Variants in PDE10A observed in about 807,000 individuals in gnomAD.
PDE10A encodes the protein cAMP and cAMP-inhibited cGMP 3',5'-cyclic phosphodiesterase 10A.
In PDE10A, 39 loss-of-function variants were observed where a neutral mutation model predicts 97.7. That is an observed-to-expected ratio of 0.40 (90% CI 0.31 to 0.52). The LOEUF (loss-of-function observed/expected upper bound fraction) is 0.52. Ranked by LOEUF, PDE10A falls within the 20% of genes least tolerant of loss-of-function variation. The pLI is 0.56. For missense variants in PDE10A, 731 were observed against 1,047.8 expected (o/e 0.70, Z 4.17); for synonymous variants, 371 against 376.8 (o/e 0.98, Z 0.18).
intron 1 of PDE10A, among the ~76,000 whole-genome samples, chr6:165,822,009 G>A (rs1214485748): frequency 6.6e-6 from 1 of 152,154 alleles, no homozygotes; most frequent in African/African-American, 2.4e-5. Flanking sequence ...CCTCAGAAAG[G>A]GCAACTTGAA....
At chr6:165,545,879 T>C (rs1783714620) in intron 1 of PDE10A, among the ~76,000 whole-genome samples, 1 of 151,854 alleles carries the variant, frequency 6.6e-6, no homozygotes, top group Admixed American at 6.6e-5. Flanking sequence ...CTAAATAGAG[T>C]CTTTCTGTAT....
chr6:165,644,631 T>G (rs1197055755), intron 1 of PDE10A, among the ~76,000 whole-genome samples: 2 of 152,184 alleles, frequency 1.3e-5, no homozygotes, highest in Non-Finnish European at 2.9e-5. Context: ...ACTCACAACA[T>G]ATACGTATAT....
chr6:165,353,552 T>G (rs574155516), intron 18 of PDE10A, among the ~76,000 whole-genome samples: 1 of 152,232 alleles, frequency 6.6e-6, no homozygotes, highest in East Asian at 1.9e-4. Context: ...TATTCAATGC[T>G]GAAAAGAAAT....
chr6:165,662,053 G>A lies in PDE10A; in HGVS notation c.759C>T (p.Phe253=), dbSNP rs1303179498. The change falls in exon 1 of 22, where the codon TTC becomes TTT. Residue 253 remains phenylalanine, a synonymous_variant. Transcript: ENST00000539869. The part of the protein sequence containing the change: ...QTPRRPQGAS[F]ALAAAAALLF... ...GCAGCGCGGCCGCGGCGGCGAGGGC[G>A]AAGCTGGCGCCCTGGGGACGCCGCG... 1.4e-6 allele frequency: 2 copies of A among 1,458,352 alleles called. No homozygotes were observed. Among genetic ancestry groups the A allele is most frequent in the Non-Finnish European group, 1.8e-6 (2 of 1,096,950 alleles). The allele number at this position is 1,458,352 out of a possible 1,614,324, so 90.3% of individuals were successfully genotyped here.
intron 1 of PDE10A, among the ~76,000 whole-genome samples, chr6:165,759,204 A>T (rs561061069): frequency 1.5e-4 from 23 of 152,334 alleles, no homozygotes; most frequent in Admixed American, 1.2e-3. Flanking sequence ...AAGATGGTAC[A>T]CAGGATGAAG....
chr6:165,557,843 C>G (rs557769499), intron 1 of PDE10A, among the ~76,000 whole-genome samples: 2 of 152,174 alleles, frequency 1.3e-5, no homozygotes, highest in South Asian at 4.1e-4. Flanking sequence ...CGAAGACAAA[C>G]AAAGATGAAT....
chr6:165,765,626 G>A lies in PDE10A; in HGVS notation c.-615+221903C>T, dbSNP rs185289175. Among the ~76,000 whole-genome samples, 1,427 of 152,310 alleles carry A rather than the reference G, an allele frequency of 9.4e-3. 18 individuals are homozygous for A. Among genetic ancestry groups the A allele is most frequent in the Middle Eastern group, 0.034 (10 of 294 alleles). Reference sequence around the variant, plus strand: ...GCCCACCTGGAACTCCAGCTGGCCCGCAAGCGCCACATGCAGCCCCGGTTC... The same window carrying A: ...GCCCACCTGGAACTCCAGCTGGCCCACAAGCGCCACATGCAGCCCCGGTTC... On this transcript the variant is annotated intron_variant, in intron 1 of 19. Transcript: ENST00000366882.
chr6:165,793,190 G>T (rs1778703872), intron 1 of PDE10A, among the ~76,000 whole-genome samples: 2 of 152,120 alleles, frequency 1.3e-5, no homozygotes, highest in Admixed American at 1.3e-4. Context: ...TTCGGGCTGA[G>T]AATTATTACC....
chr6:165,550,659 CT>C (rs1783968673), intron 1 of PDE10A, among the ~76,000 whole-genome samples: 1 of 152,080 alleles, frequency 6.6e-6, no homozygotes, highest in African/African-American at 2.4e-5. Context: ...TTATTCATAT[CT>C]TGTTTTGTTT....
chr6:165,881,422 A>G (rs1488288758), intron 1 of PDE10A, among the ~76,000 whole-genome samples: 6 of 109,056 alleles, frequency 5.5e-5, no homozygotes, highest in Admixed American at 2.4e-4. Flanking sequence ...TTTGAGATGG[A>G]GTCTTGCTCT....
chr6:165,577,479 C>T (rs142232428), intron 1 of PDE10A, among the ~76,000 whole-genome samples: 10 of 152,276 alleles, frequency 6.6e-5, no homozygotes, highest in Non-Finnish European at 1.2e-4. Flanking sequence ...ACTGGGACCA[C>T]GAAGCTACTG....
rs528246813 is a variant in PDE10A, at chr6:165,359,517, T to C, written c.2784-16015A>G. Among the ~76,000 whole-genome samples the C allele has an allele frequency of 3.3e-5, 5 of 152,318 alleles. No individual in the cohort carries two copies. The South Asian group carries it at 1.0e-3, about 32-fold the overall frequency. On this transcript the variant is annotated intron_variant, in intron 18 of 21. Coordinates refer to ENST00000539869, the MANE Select transcript of PDE10A (RefSeq NM_001385079.1). ...GGTACTTTATTATTCTCAAATTTCT[T>C]TGGGGCTCAATTTTATAATTTTCAC...
chr6:165,955,562 A>G (rs995165585), intron 1 of PDE10A, among the ~76,000 whole-genome samples: 1 of 152,230 alleles, frequency 6.6e-6, no homozygotes, highest in African/African-American at 2.4e-5. Flanking sequence ...TCTTCTTCTT[A>G]CAAAGCCCAC....
chr6:165,632,606 T>C (rs1245521509), intron 1 of PDE10A, among the ~76,000 whole-genome samples: 1 of 152,170 alleles, frequency 6.6e-6, no homozygotes, highest in Non-Finnish European at 1.5e-5. Context: ...TCCCTGCAGT[T>C]CAAAATAATC....
chr6:165,546,879 T>C (rs769479856), intron 1 of PDE10A, among the ~76,000 whole-genome samples: 1 of 152,102 alleles, frequency 6.6e-6, no homozygotes, highest in South Asian at 2.1e-4. Flanking sequence ...ATCTCATAAA[T>C]ACACACAAGT....
intron 1 of PDE10A, among the ~76,000 whole-genome samples, chr6:165,692,833 TAG>T (rs1791340725): frequency 1.3e-5 from 2 of 152,172 alleles, no homozygotes; most frequent in Admixed American, 6.5e-5. Context: ...GGGAATACAT[TAG>T]GGAAAGTATT....
At chr6:165,927,404 A>G (rs896862226) in intron 1 of PDE10A, among the ~76,000 whole-genome samples, 1 of 152,066 alleles carries the variant, frequency 6.6e-6, no homozygotes, top group African/African-American at 2.4e-5. Flanking sequence ...AAACTATTTT[A>G]TTGATATGGA....
chr6:165,930,207 T>C (rs144992412), intron 1 of PDE10A, among the ~76,000 whole-genome samples: 2 of 152,348 alleles, frequency 1.3e-5, no homozygotes, highest in African/African-American at 4.8e-5. Context: ...CACTGATGAA[T>C]GAAGAAAATG....
At chr6:165,367,655 G>A (rs894361383) in intron 18 of PDE10A, among the ~76,000 whole-genome samples, 145 of 113,954 alleles carry the variant, frequency 1.3e-3, no homozygotes, top group Admixed American at 3.3e-3. Flanking sequence ...TTCCCCTCAG[G>A]AGGGGGAAAA....
Sources: gnomAD v4.1 joint callset for allele counts (sites outside exome capture counted in the v4.1 genomes callset) on GRCh38, gnomAD v4.1.1 for gene constraint, MANE v1.5 for transcripts, NCBI Gene and HGNC (gene_info 2026-07-23, HGNC 2026-07-21) for gene names.